The following CHRM2 variants were observed in gnomAD, a reference collection of about 807,000 sequenced individuals.
The protein encoded by CHRM2 is muscarinic acetylcholine receptor M2.
In CHRM2, 8 loss-of-function variants were observed where a neutral mutation model predicts 25.0. The observed-to-expected ratio is 0.32, with a 90% CI of 0.19 to 0.58. CHRM2 has a LOEUF of 0.58. Ranked by LOEUF, CHRM2 falls within the 20% of genes least tolerant of loss-of-function variation. The pLI is 0.88. For synonymous variants in CHRM2, 202 were observed against 205.7 expected (o/e 0.98, Z 0.15); for missense variants, 440 against 567.1 (o/e 0.78, Z 2.28).
chr7:136,895,965 G>C (rs1796880657), intron 2 of CHRM2, among the ~76,000 whole-genome samples: 2 of 152,078 alleles, frequency 1.3e-5, no homozygotes, highest in Admixed American at 1.3e-4. Flanking sequence ...TCGTGTTTTT[G>C]AATATACTAT....
At chr7:136,896,725 C>A (rs1469110176) in intron 2 of CHRM2, among the ~76,000 whole-genome samples, 1 of 151,950 alleles carries the variant, frequency 6.6e-6, no homozygotes, top group Non-Finnish European at 1.5e-5. Flanking sequence ...GATGTGTTTG[C>A]CAAATTAAAG....
Position 137,001,034 on chromosome 7 carries a change from C to T in CHRM2, c.-47+8770C>T, listed in dbSNP as rs1402620263. On this transcript the variant is annotated intron_variant, in intron 3 of 3. Coordinates refer to ENST00000680005, the MANE Select transcript of CHRM2 (RefSeq NM_001006630.2). The stretch of plus-strand genomic sequence containing the variant: ...TATAAAACTTGAGATCACATATAGA[C>T]AGAAATTAAACTTTATTCAAGAGGC... Among the ~76,000 whole-genome samples the T allele has an allele frequency of 2.0e-5, 3 of 152,134 alleles. 1 individual carries two copies. The highest frequency in any genetic ancestry group is 4.4e-5 in the Non-Finnish European group (3 of 68,026).
intron 2 of CHRM2, chr7:136,903,079 C>A (rs1268328975): frequency 1.9e-6 from 1 of 520,916 alleles, no homozygotes; most frequent in Non-Finnish European, 3.9e-6. Context: ...ACACAGAAGA[C>A]AAACAACAGA....
intron 2 of CHRM2, among the ~76,000 whole-genome samples, chr7:136,932,004 C>T (rs1799134459): frequency 6.6e-6 from 1 of 152,160 alleles, no homozygotes; most frequent in Admixed American, 6.5e-5. Context: ...GGGGGCCAAA[C>T]TTCTGAGATT....
chr7:136,927,930 AT>A (rs1194376418), intron 2 of CHRM2, among the ~76,000 whole-genome samples: 2 of 152,148 alleles, frequency 1.3e-5, no homozygotes, highest in East Asian at 1.9e-4. Flanking sequence ...AATTTGGAGT[AT>A]TTTTTATATG....
At chr7:136,996,409 CAG>C (rs1803608897) in intron 3 of CHRM2, among the ~76,000 whole-genome samples, 1 of 151,996 alleles carries the variant, frequency 6.6e-6, no homozygotes, top group African/African-American at 2.4e-5. Context: ...AAACTTCAAA[CAG>C]AATATTTTAT....
intron 2 of CHRM2, among the ~76,000 whole-genome samples, chr7:136,982,055 C>T (rs1294091757): frequency 3.9e-5 from 6 of 152,100 alleles, no homozygotes; most frequent in African/African-American, 1.4e-4. Context: ...GTTAAAGTCT[C>T]CCACTACTAT....
chr7:136,985,331 G>C (rs1236706837), intron 2 of CHRM2, among the ~76,000 whole-genome samples: 2 of 151,808 alleles, frequency 1.3e-5, no homozygotes, highest in African/African-American at 4.8e-5. Context: ...CCAACATGAT[G>C]AAACCCCGTC....
At position 136,868,759 on chromosome 7, in the gene CHRM2, CACACACACACACACAG is replaced by C. The variant is rs903900512; in HGVS notation, c.-503_-488del. 2 of 131,332 alleles carry C rather than the reference CACACACACACACACAG, an allele frequency of 1.5e-5. No individual in the cohort carries two copies. The highest frequency in any genetic ancestry group is 3.7e-5 in the Non-Finnish European group (2 of 54,512). 8.1% of individuals were successfully genotyped at this position (131,332 alleles called of 1,614,324 possible). A position where few individuals can be genotyped will look rare whatever the true frequency, so the allele number is the denominator to read the frequency against. On this transcript the variant is annotated 5_prime_UTR_variant, in exon 1 of 4. Coordinates refer to ENST00000680005, the MANE Select transcript of CHRM2 (RefSeq NM_001006630.2). ...GAGCGCGCGCGGGCACACACACACACACACACACACACACAGACACACACACACTCACACACTCCAG... is the reference window on the plus strand; with the variant it reads ...GAGCGCGCGCGGGCACACACACACACACACACACACACTCACACACTCCAG...
intron 3 of CHRM2, among the ~76,000 whole-genome samples, chr7:137,003,512 A>T (rs959603798): frequency 1.5e-4 from 22 of 146,040 alleles, no homozygotes; most frequent in Non-Finnish European, 1.5e-4. Context: ...ACACACACAC[A>T]CACACACACA....
chr7:136,925,168 G>A (rs1798671215), intron 2 of CHRM2, among the ~76,000 whole-genome samples: 1 of 152,264 alleles, frequency 6.6e-6, no homozygotes, highest in South Asian at 2.1e-4. Flanking sequence ...AGTGCTGACT[G>A]TAAAATGACC....
At chr7:136,961,893 G>C (rs534774935) in intron 2 of CHRM2, among the ~76,000 whole-genome samples, 2 of 152,104 alleles carry the variant, frequency 1.3e-5, no homozygotes, top group Non-Finnish European at 2.9e-5. Context: ...GGACAGGGGC[G>C]TGGATCCTAG....
chr7:136,957,126 G>T (rs1200937207), intron 2 of CHRM2, among the ~76,000 whole-genome samples: 1 of 152,186 alleles, frequency 6.6e-6, no homozygotes, highest in Non-Finnish European at 1.5e-5. Context: ...TGCTGGAAAG[G>T]CAGCACAGTA....
At chr7:136,874,859 C>A (rs1396622241) in intron 2 of CHRM2, among the ~76,000 whole-genome samples, 2 of 150,876 alleles carry the variant, frequency 1.3e-5, no homozygotes, top group Non-Finnish European at 3.0e-5. Context: ...TATTTATACC[C>A]TTACAGGTTT....
intron 2 of CHRM2, among the ~76,000 whole-genome samples, chr7:136,991,118 G>C (rs977819439): frequency 4.6e-5 from 7 of 152,152 alleles, no homozygotes; most frequent in South Asian, 2.1e-4. Flanking sequence ...CATTCACAGA[G>C]AAGTTTACAA....
chr7:136,905,596 G>C (rs1021826801), intron 2 of CHRM2, among the ~76,000 whole-genome samples: 2 of 151,598 alleles, frequency 1.3e-5, no homozygotes, highest in Non-Finnish European at 3.0e-5. Context: ...TTGCCTAAAA[G>C]AATTTGTCAT....
chr7:136,893,840 T>C (rs1273376411), intron 2 of CHRM2, among the ~76,000 whole-genome samples: 1 of 152,140 alleles, frequency 6.6e-6, no homozygotes, highest in Non-Finnish European at 1.5e-5. Context: ...AAAAAGATGA[T>C]AGATGGGGAG....
intron 2 of CHRM2, among the ~76,000 whole-genome samples, chr7:136,928,596 C>T (rs954482570): frequency 6.6e-6 from 1 of 152,178 alleles, no homozygotes; most frequent in Middle Eastern, 3.4e-3. Flanking sequence ...GTGACTATTC[C>T]AGCTGCTATG....
At chr7:136,945,290 A>C (rs759246193) in intron 2 of CHRM2, among the ~76,000 whole-genome samples, 9 of 152,136 alleles carry the variant, frequency 5.9e-5, no homozygotes, top group Admixed American at 2.0e-4. Context: ...GTTCTTGGTC[A>C]TGAAGTCTTT....
Sources: gnomAD v4.1 joint callset for allele counts (sites outside exome capture counted in the v4.1 genomes callset) on GRCh38, gnomAD v4.1.1 for gene constraint, MANE v1.5 for transcripts, NCBI Gene and HGNC (gene_info 2026-07-23, HGNC 2026-07-21) for gene names.